FASTK: variants seen among roughly 807,000 people sequenced by gnomAD.
FASTK encodes the protein fas-activated serine/threonine kinase.
In FASTK, 28 loss-of-function variants were observed where a neutral mutation model predicts 60.0. That is an observed-to-expected ratio of 0.47 (90% CI 0.35 to 0.64). The LOEUF is 0.64. FASTK is among the 30% of genes least tolerant of loss of function. The pLI, the probability that FASTK is intolerant of heterozygous loss-of-function variation, is 0.01. For synonymous variants in FASTK, 325 were observed against 307.9 expected (o/e 1.06, Z -0.58); for missense variants, 595 against 713.8 (o/e 0.83, Z 1.90).
chr7:151,078,244 G>A (rs1224620181), intron 4 of FASTK, 152 bp from the exon 5 acceptor site: 1 of 653,842 alleles, frequency 1.5e-6, no homozygotes, highest in Non-Finnish European at 2.6e-6. Flanking sequence ...CAGCAAAGCA[G>A]TCACGAGCTG....
chr7:151,079,256 T>C (rs868163383), intron 2 of FASTK: 7 of 582,914 alleles, frequency 1.2e-5, no homozygotes, highest in African/African-American at 3.7e-5. Context: ...CTCATACCAA[T>C]TGTGACAAAT....
Position 151,079,504 on chromosome 7 carries a change from T to C in FASTK, c.501A>G (p.Leu167=), listed in dbSNP as rs1034482403. ...TIHVCLHLAV[L]LGFPSDGPLV... The stretch of plus-strand genomic sequence containing the variant: ...CCACCTCAAGCCCCTCCTCACCAAG[T>C]AAGACTGCAAGGTGCAGACACACGT... Residue 167 remains leucine, a synonymous_variant, in exon 2 of 10, where the codon TTA becomes TTG. Coordinates refer to ENST00000297532, the MANE Select transcript of FASTK (RefSeq NM_006712.5). 1.9e-6 allele frequency: 3 copies of C among 1,591,884 alleles called. No individual in the cohort carries two copies. The highest frequency in any genetic ancestry group is 1.7e-6 in the Non-Finnish European group (2 of 1,165,734).
At chr7:151,079,350 A>C in intron 2 of FASTK, 150 bp downstream of exon 2, 1 of 770,080 alleles carries the variant, frequency 1.3e-6, no homozygotes, top group Admixed American at 3.2e-5. Context: ...TCGACTCATG[A>C]TGTCTGCCGC....
chr7:151,080,359 G>A (rs1383560591), intron 1 of FASTK: 4 of 736,416 alleles, frequency 5.4e-6, no homozygotes, highest in South Asian at 4.7e-5. Context: ...CCCACAGGAG[G>A]CGGCGGCGGC....
At position 151,079,032 on chromosome 7, in the gene FASTK, G is replaced by A. The variant is rs1432595831; in HGVS notation, c.506-11C>T. The A allele has an allele frequency of 4.1e-6, 6 of 1,450,848 alleles. No individual in the cohort carries two copies. Among genetic ancestry groups the A allele is most frequent in the East Asian group, 2.6e-5 (1 of 38,402 alleles). The allele number at this position is 1,450,848 out of a possible 1,614,324, so 89.9% of individuals were successfully genotyped here. A position where few individuals can be genotyped will look rare whatever the true frequency, so the allele number is the denominator to read the frequency against. On this transcript the variant is annotated splice_polypyrimidine_tract_variant and intron_variant, in intron 2 of 9. Transcript: ENST00000297532. ...CATCAGATGGAAAGCCTGAGGGGGA[G>A]AGGTAAAAGGCAGCCTGGTAACAGA...
At chr7:151,080,384 G>T in intron 1 of FASTK, 2 of 969,486 alleles carry the variant, frequency 2.1e-6, no homozygotes, top group South Asian at 7.6e-5. Flanking sequence ...AGGGTGGAAC[G>T]CGGGCTCCGC....
chr7:151,077,096 T>A lies in FASTK; in HGVS notation c.1427+5A>T. 1 of 1,608,596 alleles carries A rather than the reference T, an allele frequency of 6.2e-7. No homozygotes were observed. The highest frequency in any genetic ancestry group is 8.5e-7 in the Non-Finnish European group (1 of 1,176,512). On this transcript the variant is annotated splice_donor_5th_base_variant and intron_variant, in intron 8 of 9. Transcript: ENST00000297532. ...GCCAGGGCTCCCCCACCCTGCCTCC[T>A]TTACCTCTGGGCAGGGTCTCGAGTA...
Position 151,080,700 on chromosome 7 carries a change from C to A in FASTK, c.67G>T (p.Gly23Trp). 7.2e-7 allele frequency: 1 copy of A among 1,394,554 alleles called. No individual in the cohort carries two copies. Among genetic ancestry groups the A allele is most frequent in the South Asian group, 1.5e-5 (1 of 64,656 alleles). The allele number at this position is 1,394,554 out of a possible 1,614,324, so 86.4% of individuals were successfully genotyped here. ...CCACCCCTACATGACTCCCCGGGCC[C>A]TGCGCAGGTCGCTCCCTCAGTCGGT... The part of the protein sequence containing the change: ...PRPTEGATCA[G>W]PGESWSPSPN... Residue 23 changes from glycine to tryptophan, a missense_variant, in exon 1 of 10, where the codon GGG becomes TGG. By Grantham distance (184) the Gly-to-Trp change is radical (BLOSUM62 -2). Coordinates refer to ENST00000297532, the MANE Select transcript of FASTK (RefSeq NM_006712.5).
chr7:151,080,622 C>T (rs1797937168), intron 1 of FASTK, 63 bp downstream of exon 1: 4 of 1,379,186 alleles, frequency 2.9e-6, no homozygotes, highest in African/African-American at 1.5e-5. Context: ...AGACCGTGGC[C>T]GCTGCCGCTA....
rs779645399 is a variant in FASTK, at chr7:151,077,921, G to C, written c.997C>G (p.Leu333Val). ...CQLRCLPFRA[L>V]HFVFSPGFIN... is the part of the protein sequence containing the mutation. ...AAGCCAGGGGAAAAAACAAAGTGCAGGGCTCTGAAGGGCAGGCACCGCAGT... is the reference window on the plus strand; with the variant it reads ...AAGCCAGGGGAAAAAACAAAGTGCACGGCTCTGAAGGGCAGGCACCGCAGT... The change falls in exon 5 of 10, where the codon CTG (leucine) becomes GTG (valine). Residue 333 changes from leucine to valine, a missense_variant. Transcript: ENST00000297532. The C allele has an allele frequency of 1.1e-5, 18 of 1,613,744 alleles. No homozygotes were observed. Among genetic ancestry groups the C allele is most frequent in the Non-Finnish European group, 2.5e-6 (3 of 1,179,962 alleles).
Position 151,079,613 on chromosome 7 carries a change from G to A in FASTK, c.392C>T (p.Pro131Leu). The A allele has an allele frequency of 6.2e-7, 1 of 1,613,862 alleles. No homozygotes were observed. Among genetic ancestry groups the A allele is most frequent in the Non-Finnish European group, 8.5e-7 (1 of 1,180,004 alleles). Residue 131 changes from proline to leucine, a missense_variant, in exon 2 of 10, where the codon CCC becomes CTC. By Grantham distance (98) the Pro-to-Leu change is moderately conservative (BLOSUM62 -3). Transcript: ENST00000297532. ...LGQLLGSRPR[P>L]PPVEQVTLQD... ...CAGTGTGACCTGCTCCACAGGAGGG[G>A]GCCGTGGCCGAGACCCCAAGAGCTG...
intron 7 of FASTK, 27 bp downstream of exon 7, chr7:151,077,283 C>T (rs768336858): frequency 2.2e-5 from 36 of 1,611,850 alleles, no homozygotes; most frequent in East Asian, 1.6e-4. Context: ...TCCGTCTCCC[C>T]GGGCCTGCCG....
intron 1 of FASTK, 156 bp from the exon 2 acceptor site, chr7:151,080,078 C>G: frequency 1.6e-6 from 1 of 643,308 alleles, no homozygotes; most frequent in Non-Finnish European, 2.7e-6. Context: ...CCTCTGCCTC[C>G]TTCCACGCCT....
intron 3 of FASTK, 52 bp from the exon 4 acceptor site, chr7:151,078,753 C>T (rs543889579): frequency 1.2e-6 from 2 of 1,610,840 alleles, no homozygotes; most frequent in African/African-American, 2.7e-5. Flanking sequence ...CCGGCTGGCT[C>T]AATTCCACCT....
In FASTK at chr7:151,079,714, C is replaced by T; in HGVS notation, c.291G>A (p.Glu97=). 6.2e-7 allele frequency: 1 copy of T among 1,601,400 alleles called. No individual in the cohort carries two copies. The highest frequency in any genetic ancestry group is 1.1e-5 in the South Asian group (1 of 89,354). The part of the protein sequence containing the change: ...RLLEQAKSPG[E]LLRWLGQNPS... ...GGTTCTGGCCCAGCCAGCGCAGCAGCTCCCCAGGGCTCTTCGCCTGTTCCA... is the reference window on the plus strand; with the variant it reads ...GGTTCTGGCCCAGCCAGCGCAGCAGTTCCCCAGGGCTCTTCGCCTGTTCCA... The change falls in exon 2 of 10, where the codon GAG becomes GAA. Residue 97 remains glutamate (E), a synonymous_variant. Transcript: ENST00000297532.
Position 151,077,710 on chromosome 7 carries a change from T to C in FASTK, c.1110A>G (p.Pro370=). ...LLDTAVELEL[P]GYRGPRLPRR... ...GGGGAAGGCGGGGACCCCGGTATCC[T>C]GGGAGCTCCAGCTCCACGGCCGTGT... Residue 370 remains proline (P), a synonymous_variant, in exon 6 of 10, where the codon CCA becomes CCG. Coordinates refer to ENST00000297532, the MANE Select transcript of FASTK (RefSeq NM_006712.5). 6.3e-7 allele frequency: 1 copy of C among 1,592,002 alleles called. No homozygotes were observed. The highest frequency in any genetic ancestry group is 8.5e-7 in the Non-Finnish European group (1 of 1,169,746).
chr7:151,077,828 C>T (rs749251716), intron 5 of FASTK, 48 bp from the exon 6 acceptor site: 3 of 1,596,272 alleles, frequency 1.9e-6, no homozygotes, highest in Non-Finnish European at 1.7e-6. Flanking sequence ...CCACCCTGCT[C>T]CCCTGCCTCT....
At chr7:151,078,785 C>T in intron 3 of FASTK, 57 bp downstream of exon 3, 1 of 1,608,764 alleles carries the variant, frequency 6.2e-7, no homozygotes, top group Non-Finnish European at 8.5e-7. Flanking sequence ...ACTGAGCCCA[C>T]CTTCCTCCTC....
chr7:151,076,871 T>G (rs1374520037), intron 9 of FASTK, 39 bp from the exon 10 acceptor site: 1 of 1,600,240 alleles, frequency 6.2e-7, no homozygotes, highest in African/African-American at 1.3e-5. Flanking sequence ...ACCCGCAGGC[T>G]GGGAGTGAGG....
Sources: allele counts gnomAD v4.1 joint callset, GRCh38; gene constraint gnomAD v4.1.1; transcripts MANE v1.5; gene names NCBI Gene and HGNC (gene_info 2026-07-23, HGNC 2026-07-21).